Variants in PRKCH observed in about 807,000 individuals in gnomAD.
The protein encoded by PRKCH is protein kinase C eta type.
PRKCH carries 28 observed loss-of-function variants against 82.5 expected under a neutral mutation model. That is an observed-to-expected ratio of 0.34 (90% CI 0.25 to 0.47). The LOEUF (loss-of-function observed/expected upper bound fraction) is 0.47, where lower values mean the gene tolerates loss of function less well. PRKCH is among the 20% of genes least tolerant of loss of function. The probability of loss-of-function intolerance (pLI) is 1.00; values close to 1 mark genes in which losing one functional copy is unlikely to be tolerated. For synonymous variants in PRKCH, 322 were observed against 327.4 expected, an observed-to-expected ratio of 0.98 and a Z score of 0.18; for missense variants, 705 against 881.8, an observed-to-expected ratio of 0.80 and a Z score of 2.54.
intron 1 of PRKCH, among the ~76,000 whole-genome samples, chr14:61,269,376 G>A (rs1566800804): frequency 6.6e-6 from 1 of 152,022 alleles, no homozygotes; most frequent in Non-Finnish European, 1.5e-5. Context: ...TTTTATTTAA[G>A]TTTTAAGTTC....
chr14:61,336,815 T>C (rs1442690555), intron 1 of PRKCH, among the ~76,000 whole-genome samples: 3 of 152,126 alleles, frequency 2.0e-5, no homozygotes, highest in Non-Finnish European at 4.4e-5. Context: ...ATGCCTGTAA[T>C]TCCAGCACTA....
At chr14:61,478,065 G>A (rs1885807465) in intron 9 of PRKCH, among the ~76,000 whole-genome samples, 2 of 152,240 alleles carry the variant, frequency 1.3e-5, no homozygotes, top group South Asian at 4.1e-4. Flanking sequence ...GCCCTTTGGA[G>A]CCCTGGGAGC....
chr14:61,282,857 G>A (rs975381847), intron 1 of PRKCH, among the ~76,000 whole-genome samples: 6 of 152,088 alleles, frequency 3.9e-5, no homozygotes, highest in Admixed American at 6.5e-5. Flanking sequence ...AAGAGAGGAA[G>A]TTCCAAAATT....
In PRKCH at chr14:61,347,862, A is replaced by T. The variant is rs545277880; in HGVS notation, c.363+25398A>T. On this transcript the variant is annotated intron_variant, in intron 1 of 13. Coordinates refer to ENST00000332981, the MANE Select transcript of PRKCH (RefSeq NM_006255.5). The stretch of plus-strand genomic sequence containing the variant: ...CCTTTGCCAAAATAGGAAGGAAGAG[A>T]AGACCCAGAGTTTTCAGGGAACGGA... 2.6e-5 allele frequency: 4 copies of T among 152,904 alleles called. No individual in the cohort carries two copies. In the Middle Eastern group the frequency reaches 0.014, roughly 520 times the overall value. The allele number at this position is 152,904 out of a possible 1,614,324, so 9.5% of individuals were successfully genotyped here.
At chr14:61,438,281 A>G (rs1295157250) in intron 2 of PRKCH, among the ~76,000 whole-genome samples, 1 of 152,194 alleles carries the variant, frequency 6.6e-6, no homozygotes, top group African/African-American at 2.4e-5. Flanking sequence ...CCTTAAAGAT[A>G]AGCCACAGTA....
At chr14:61,311,326 C>G (rs531978263) in intron 1 of PRKCH, among the ~76,000 whole-genome samples, 1 of 152,110 alleles carries the variant, frequency 6.6e-6, no homozygotes, top group Non-Finnish European at 1.5e-5. Context: ...AATTTCAGAT[C>G]GTCTCTCTCA....
At chr14:61,516,545 TA>T (rs2139984418) in intron 10 of PRKCH, among the ~76,000 whole-genome samples, 1 of 152,300 alleles carries the variant, frequency 6.6e-6, no homozygotes, top group Non-Finnish European at 1.5e-5. Context: ...TGTAAGTACT[TA>T]AAGAAAACAA....
At chr14:61,501,324 G>T (rs1416855321) in intron 10 of PRKCH, among the ~76,000 whole-genome samples, 1 of 151,914 alleles carries the variant, frequency 6.6e-6, no homozygotes. Flanking sequence ...CCGTACTGTG[G>T]AATATTATGC....
At chr14:61,422,868 C>A (rs1882920220) in intron 2 of PRKCH, among the ~76,000 whole-genome samples, 1 of 152,138 alleles carries the variant, frequency 6.6e-6, no homozygotes, top group Admixed American at 6.5e-5. Flanking sequence ...TATGTGTGTG[C>A]ACACACGTAT....
intron 9 of PRKCH, among the ~76,000 whole-genome samples, chr14:61,471,510 C>T (rs1018545338): frequency 2.6e-5 from 4 of 151,862 alleles, no homozygotes; most frequent in Admixed American, 1.3e-4. Context: ...TCTGCTTTAC[C>T]GGGCTAAAAA....
At chr14:61,412,871 C>G (rs1318697730) in intron 2 of PRKCH, among the ~76,000 whole-genome samples, 1 of 152,046 alleles carries the variant, frequency 6.6e-6, no homozygotes, top group Admixed American at 6.6e-5. Context: ...TCTTTTCTTC[C>G]TTTCTGCTGG....
At chr14:61,229,080 G>A (rs1189993920) in intron 1 of PRKCH, among the ~76,000 whole-genome samples, 2 of 152,004 alleles carry the variant, frequency 1.3e-5, no homozygotes, top group South Asian at 2.1e-4. Context: ...TATGGGGACA[G>A]TAGCATAAAT....
intron 1 of PRKCH, among the ~76,000 whole-genome samples, chr14:61,312,832 C>A (rs113348878): frequency 1.3e-5 from 2 of 152,268 alleles, no homozygotes; most frequent in Admixed American, 1.3e-4. Flanking sequence ...CAATTCAAGA[C>A]GCGATCTGGG....
At chr14:61,531,268 T>G (rs1682669841) in intron 12 of PRKCH, among the ~76,000 whole-genome samples, 3 of 152,174 alleles carry the variant, frequency 2.0e-5, no homozygotes, top group Admixed American at 6.5e-5. Context: ...TTGGGTCAGT[T>G]CTGTAACCAC....
intron 2 of PRKCH, among the ~76,000 whole-genome samples, chr14:61,428,038 TATATATAGATAGATAG>T (rs1186205506): frequency 3.3e-5 from 1 of 29,954 alleles, no homozygotes; most frequent in Non-Finnish European, 8.4e-5. Context: ...CACAAATATA[TATATATAGATAGATAG>T]ATAGATAGAT....
chr14:61,320,884 A>G (rs10130167), upstream of PRKCH, among the ~76,000 whole-genome samples: 137,453 of 152,258 alleles, frequency 0.9, 62,316 homozygotes, highest in East Asian at 1. Context: ...TGCCGCGCAG[A>G]GCTGGGTGGA....
At position 61,200,993 on chromosome 14, in the gene PRKCH, A is replaced by G. The variant is rs111400123; in HGVS notation, c.-19+13325A>G. Among the ~76,000 whole-genome samples, 1,193 of 152,284 alleles carry G rather than the reference A, an allele frequency of 7.8e-3. 9 individuals are homozygous for G. Among genetic ancestry groups the G allele is most frequent in the African/African-American group, 0.027 (1,136 of 41,560 alleles). ...AAGAAAATAGGCAATTAGAAAAGTC[A>G]GAAAATACAAAAAATCATGGTTTAA... On this transcript the variant is annotated intron_variant, in intron 1 of 3. Transcript: ENST00000555185.
chr14:61,358,170 C>G (rs965615762), intron 1 of PRKCH, among the ~76,000 whole-genome samples: 3 of 152,126 alleles, frequency 2.0e-5, no homozygotes, highest in African/African-American at 7.2e-5. Flanking sequence ...AATTCCCTGA[C>G]CCTCAGTGTC....
intron 7 of PRKCH, among the ~76,000 whole-genome samples, chr14:61,454,928 A>C (rs972311773): frequency 1.3e-5 from 2 of 152,162 alleles, no homozygotes; most frequent in Non-Finnish European, 1.5e-5. Context: ...GGGAAGTGCA[A>C]TTACTGTGAG....
Sources: allele counts gnomAD v4.1 joint callset (sites outside exome capture counted in the v4.1 genomes callset), GRCh38; gene constraint gnomAD v4.1.1; transcripts MANE v1.5; gene names NCBI Gene and HGNC (gene_info 2026-07-23, HGNC 2026-07-21).